The following PPP1R1C variants were observed in gnomAD, a reference collection of about 807,000 sequenced individuals.
PPP1R1C encodes the protein protein phosphatase 1 regulatory inhibitor subunit 1C, also known as protein phosphatase 1 regulatory subunit 1C.
A neutral mutation model predicts 17.4 loss-of-function variants in PPP1R1C; 15 were observed. The ratio of observed to expected loss-of-function variants is 0.86; its 90% CI spans 0.58 to 1.33. The LOEUF is 1.33. Ranked by LOEUF, PPP1R1C falls within the 40% of genes most tolerant of loss-of-function variation. The probability of loss-of-function intolerance (pLI) is 0.00; values close to 1 mark genes in which losing one functional copy is unlikely to be tolerated. For missense variants in PPP1R1C, 143 were observed against 130.0 expected, an observed-to-expected ratio of 1.10 and a Z score of -0.48; for synonymous variants, 35 against 43.1, an observed-to-expected ratio of 0.81 and a Z score of 0.73.
At chr2:182,034,833 G>A (rs1164927716) in intron 2 of PPP1R1C, among the ~76,000 whole-genome samples, 1 of 152,070 alleles carries the variant, frequency 6.6e-6, no homozygotes, top group Non-Finnish European at 1.5e-5. Flanking sequence ...AGGAGGGTAG[G>A]CCACCAAAAT....
At chr2:182,055,077 G>GTT (rs141411901) in intron 2 of PPP1R1C, among the ~76,000 whole-genome samples, 7 of 148,340 alleles carry the variant, frequency 4.7e-5, no homozygotes, top group African/African-American at 1.5e-4. Flanking sequence ...TTAGTTTCTG[G>GTT]TTTTTTTTTT....
At chr2:181,963,892 CATA>C (rs1559039110) in intron 1 of PPP1R1C, among the ~76,000 whole-genome samples, 1 of 151,564 alleles carries the variant, frequency 6.6e-6, no homozygotes, top group Non-Finnish European at 1.5e-5. Context: ...GCATACAATG[CATA>C]ATAATTAACT....
chr2:182,031,780 A>T (rs1686848168), intron 2 of PPP1R1C, among the ~76,000 whole-genome samples: 1 of 152,360 alleles, frequency 6.6e-6, no homozygotes, highest in Non-Finnish European at 1.5e-5. Context: ...TCTATAATTT[A>T]TGGTTTATAT....
chr2:182,125,208 T>C (rs959076476), intron 5 of PPP1R1C, among the ~76,000 whole-genome samples: 2 of 152,208 alleles, frequency 1.3e-5, no homozygotes, highest in Non-Finnish European at 2.9e-5. Flanking sequence ...TGTTTATTGA[T>C]TTGTGTATGT....
Position 181,967,149 on chromosome 2 carries a change from C to CTTCTT in PPP1R1C, n.112-8067_112-8063dup, listed in dbSNP as rs1453731123. ...ATTTCTGTGTTATTTGTTGTAATGT[C>CTTCTT]TTCTTTTTTGTCTCTGATTTTATTT... On this transcript the variant is annotated intron_variant and non_coding_transcript_variant, in intron 1 of 5. Transcript: ENST00000464264. The surrounding 1 kb of genome is among the most constrained non-coding windows in gnomAD (Gnocchi z 5.5). 2.6e-5 allele frequency among the ~76,000 whole-genome samples: 4 copies of CTTCTT among 151,980 alleles called. No individual in the cohort carries two copies. Among genetic ancestry groups the CTTCTT allele is most frequent in the African/African-American group, 9.7e-5 (4 of 41,408 alleles).
intron 2 of PPP1R1C, among the ~76,000 whole-genome samples, chr2:182,050,809 A>G (rs959937290): frequency 2.6e-5 from 4 of 152,342 alleles, no homozygotes; most frequent in South Asian, 2.1e-4. Flanking sequence ...ACATTTTAAT[A>G]TAGAAGATTT....
chr2:182,061,736 A>G (rs1687856526), intron 3 of PPP1R1C, among the ~76,000 whole-genome samples: 1 of 152,106 alleles, frequency 6.6e-6, no homozygotes, highest in South Asian at 2.1e-4. Flanking sequence ...TGTGGTATTG[A>G]CAACTTCAAT....
At chr2:182,027,847 CT>C (rs1686670697) in intron 2 of PPP1R1C, among the ~76,000 whole-genome samples, 1 of 139,160 alleles carries the variant, frequency 7.2e-6, no homozygotes, top group Admixed American at 7.3e-5. Flanking sequence ...GTCCTGGACT[CT>C]TTTTGGTTGG....
intron 2 of PPP1R1C, among the ~76,000 whole-genome samples, chr2:182,008,605 G>A (rs994890994): frequency 6.6e-6 from 1 of 152,178 alleles, no homozygotes; most frequent in Non-Finnish European, 1.5e-5. Context: ...AGCATACAAT[G>A]TGTAGTAATC....
chr2:181,956,075 C>A (rs943480872), intron 1 of PPP1R1C, among the ~76,000 whole-genome samples: 1 of 152,004 alleles, frequency 6.6e-6, no homozygotes, highest in Non-Finnish European at 1.5e-5. Flanking sequence ...ACAGGCCTGG[C>A]GTGTGAGGTT....
At position 182,122,953 on chromosome 2, in the gene PPP1R1C, C is replaced by G. The variant is rs576601693; in HGVS notation, c.*6+5652C>G. Among the ~76,000 whole-genome samples the G allele has an allele frequency of 3.3e-5, 5 of 152,188 alleles. No individual in the cohort carries two copies. In the South Asian group the frequency reaches 1.0e-3, roughly 32 times the overall value. ...CAGGTGCCATGGTGGTTTGCTGCAC[C>G]CATCAACCTGTCATCTACATTAGGT... On this transcript the variant is annotated intron_variant, in intron 5 of 5. Coordinates refer to the PPP1R1C transcript ENST00000280295.
chr2:182,002,898 G>T, intron 2 of PPP1R1C, among the ~76,000 whole-genome samples: 1 of 143,772 alleles, frequency 7.0e-6, no homozygotes, highest in South Asian at 2.2e-4. Context: ...ATAACTGGTA[G>T]AATCATACCA....
At position 182,110,137 on chromosome 2, in the gene PPP1R1C, A is replaced by AAATTATT. The variant is rs1272957564; in HGVS notation, c.242-7066_242-7060dup. On this transcript the variant is annotated intron_variant, in intron 4 of 4. Transcript: ENST00000682840. ...GATTTTAAATGTTTTTACCACAAAT[A>AAATTATT]AATTATTAATAAACATTTGAGGTAA... 3.3e-5 allele frequency among the ~76,000 whole-genome samples: 5 copies of AAATTATT among 152,132 alleles called. No homozygotes were observed. The East Asian group carries it at 9.6e-4, about 29-fold the overall frequency.
chr2:182,068,939 A>C (rs1413398981), intron 4 of PPP1R1C, among the ~76,000 whole-genome samples: 1 of 152,150 alleles, frequency 6.6e-6, no homozygotes, highest in Non-Finnish European at 1.5e-5. Context: ...ATTATGACTC[A>C]AAAAAACTCT....
intron 5 of PPP1R1C, among the ~76,000 whole-genome samples, chr2:182,125,556 T>C (rs1689853932): frequency 6.6e-6 from 1 of 152,206 alleles, no homozygotes; most frequent in Admixed American, 6.5e-5. Context: ...GGGTATTAAT[T>C]ACTGCCTCAA....
At chr2:181,995,302 A>G (rs1353379772) in intron 2 of PPP1R1C, among the ~76,000 whole-genome samples, 1 of 152,202 alleles carries the variant, frequency 6.6e-6, no homozygotes, top group East Asian at 1.9e-4. Flanking sequence ...CAGACATGTA[A>G]TACTTAAGAG....
intron 1 of PPP1R1C, among the ~76,000 whole-genome samples, chr2:181,970,029 T>C (rs542140909): frequency 7.9e-5 from 12 of 152,354 alleles, no homozygotes; most frequent in South Asian, 2.1e-4. Flanking sequence ...ATGAATTTCA[T>C]TGAAGTTGCT....
chr2:182,058,679 G>A (rs995819187), intron 2 of PPP1R1C, among the ~76,000 whole-genome samples: 5 of 152,100 alleles, frequency 3.3e-5, no homozygotes, highest in South Asian at 4.2e-4. Flanking sequence ...GGAATTTTAC[G>A]TGGCTTAAGT....
At chr2:181,983,748 G>C (rs912090055), upstream of PPP1R1C, among the ~76,000 whole-genome samples, 5 of 152,156 alleles carry the variant, frequency 3.3e-5, no homozygotes, top group Admixed American at 6.5e-5. Context: ...AAGACATGTA[G>C]GTAGTTATTA....
Sources: gnomAD v4.1 joint callset for allele counts (sites outside exome capture counted in the v4.1 genomes callset) on GRCh38, gnomAD v4.1.1 for gene constraint, Gnocchi (gnomAD v3.1) non-coding constraint, MANE v1.5 for transcripts, NCBI Gene and HGNC (gene_info 2026-07-23, HGNC 2026-07-21) for gene names.